Variants in CDH2 observed in about 807,000 individuals in gnomAD.
CDH2 encodes the protein cadherin 2, also known as cadherin-2.
In CDH2, 17 loss-of-function variants were observed where a neutral mutation model predicts 92.0. The ratio of observed to expected loss-of-function variants is 0.18; its 90% confidence interval spans 0.13 to 0.28. The LOEUF (loss-of-function observed/expected upper bound fraction) is 0.28, where lower values mean the gene tolerates loss of function less well. Ranked by LOEUF, CDH2 falls within the 10% of genes least tolerant of loss-of-function variation. The pLI, the probability that CDH2 is intolerant of heterozygous loss-of-function variation, is 1.00. For synonymous variants in CDH2, 419 were observed against 415.9 expected (o/e 1.01, Z -0.09); for missense variants, 862 against 1,133.1 (o/e 0.76, Z 3.44).
At chr18:28,015,241 G>T (rs2013211524) in intron 2 of CDH2, among the ~76,000 whole-genome samples, 1 of 152,106 alleles carries the variant, frequency 6.6e-6, no homozygotes, top group Non-Finnish European at 1.5e-5. Context: ...ATCCTTGATA[G>T]AAGTCATAAA....
intron 2 of CDH2, among the ~76,000 whole-genome samples, chr18:28,027,852 T>G (rs1280710584): frequency 2.0e-5 from 3 of 151,776 alleles, no homozygotes; most frequent in Non-Finnish European, 4.4e-5. Flanking sequence ...TTTTGTTTTT[T>G]TTTTTTGCAG....
intron 15 of CDH2, among the ~76,000 whole-genome samples, chr18:27,955,839 G>A (rs180964540): frequency 8.7e-4 from 126 of 144,634 alleles, no homozygotes; most frequent in African/African-American, 2.8e-3. Flanking sequence ...GCTAGAGCAC[G>A]GCACATTGCC....
At chr18:28,022,536 G>A (rs17468268) in intron 2 of CDH2, among the ~76,000 whole-genome samples, 6,538 of 152,090 alleles carry the variant, frequency 0.043, 163 homozygotes, top group South Asian at 0.07. Flanking sequence ...GTTAGTGGGA[G>A]TAAAGGGCAG....
intron 1 of CDH2, among the ~76,000 whole-genome samples, chr18:28,161,373 G>A (rs2144353947): frequency 6.6e-6 from 1 of 152,204 alleles, no homozygotes; most frequent in East Asian, 1.9e-4. Context: ...AAGGTCAGGA[G>A]TTCGAGACCA....
intron 2 of CDH2, among the ~76,000 whole-genome samples, chr18:28,135,939 T>C (rs1038974008): frequency 6.6e-6 from 1 of 152,248 alleles, no homozygotes; most frequent in African/African-American, 2.4e-5. Context: ...AGCTGGGCAC[T>C]GGCATTTTCC....
chr18:28,054,049 G>A (rs1281802673), intron 2 of CDH2, among the ~76,000 whole-genome samples: 1 of 152,146 alleles, frequency 6.6e-6, no homozygotes, highest in Non-Finnish European at 1.5e-5. Flanking sequence ...TGCTGTGAGA[G>A]AGCACACAAA....
chr18:28,100,173 G>A (rs893856330), intron 2 of CDH2, among the ~76,000 whole-genome samples: 9 of 152,138 alleles, frequency 5.9e-5, no homozygotes, highest in African/African-American at 2.2e-4. Context: ...AGGTGTTTCT[G>A]TGAGTGTGTT....
intron 2 of CDH2, among the ~76,000 whole-genome samples, chr18:28,082,974 T>C (rs1215790993): frequency 6.6e-6 from 1 of 152,156 alleles, no homozygotes; most frequent in East Asian, 1.9e-4. Flanking sequence ...AGTTTAAAAA[T>C]ACCTTTTGAT....
chr18:28,106,394 G>A (rs1192715485), intron 2 of CDH2, among the ~76,000 whole-genome samples: 1 of 151,728 alleles, frequency 6.6e-6, no homozygotes, highest in Admixed American at 6.6e-5. Context: ...TCCAGTCTGG[G>A]TGCCAGAGTG....
rs375704664 is a variant in CDH2, at chr18:28,071,488, A to G, written c.173-57579T>C. On this transcript the variant is annotated intron_variant, in intron 2 of 15. Transcript: ENST00000269141. ...CTGTCACACCATCATCAGAGCACTG[A>G]GGACAGAAGGCTGATTTTTGCCTTC... is the stretch of plus-strand genomic sequence containing the variant. 5.9e-5 allele frequency among the ~76,000 whole-genome samples: 9 copies of G among 152,280 alleles called. No homozygotes were observed. In the East Asian group the frequency reaches 7.7e-4, roughly 13 times the overall value.
intron 2 of CDH2, chr18:28,045,431 T>G (rs2014054881): frequency 2.1e-6 from 1 of 468,740 alleles, no homozygotes; most frequent in Admixed American, 2.4e-5. Context: ...GTTACACATG[T>G]CCTTCAACAA....
At chr18:28,137,406 C>T (rs2015880547) in intron 2 of CDH2, among the ~76,000 whole-genome samples, 1 of 152,032 alleles carries the variant, frequency 6.6e-6, no homozygotes, top group Non-Finnish European at 1.5e-5. Context: ...AGACCTTAAT[C>T]CACATTGAAG....
At chr18:27,934,596 ACAT>A (rs1287726958) in intron 6 of CDH2, among the ~76,000 whole-genome samples, 2 of 152,222 alleles carry the variant, frequency 1.3e-5, no homozygotes, top group Non-Finnish European at 2.9e-5. Flanking sequence ...ATTAGATAAA[ACAT>A]CATCTCTGTA....
intron 2 of CDH2, among the ~76,000 whole-genome samples, chr18:28,043,890 A>AGTTTTT (rs2014013411): frequency 2.3e-4 from 21 of 91,468 alleles, no homozygotes; most frequent in African/African-American, 7.0e-4. Flanking sequence ...AGAATCTCGG[A>AGTTTTT]TTTTTTTTTT....
At chr18:28,135,494 TA>T (rs1428670708) in intron 2 of CDH2, among the ~76,000 whole-genome samples, 1 of 152,258 alleles carries the variant, frequency 6.6e-6, no homozygotes, top group Non-Finnish European at 1.5e-5. Flanking sequence ...CACTCTCTAC[TA>T]ATCTGTTAAT....
intron 2 of CDH2, among the ~76,000 whole-genome samples, chr18:28,062,417 TAG>T (rs2014421587): frequency 6.6e-6 from 1 of 152,178 alleles, no homozygotes; most frequent in Non-Finnish European, 1.5e-5. Flanking sequence ...GAGTCAATAA[TAG>T]AGTTTTGCCT....
chr18:27,998,358 T>C (rs1213176052), intron 7 of CDH2, among the ~76,000 whole-genome samples: 1 of 152,156 alleles, frequency 6.6e-6, no homozygotes, highest in Non-Finnish European at 1.5e-5. Context: ...AGGTGGGGTT[T>C]TGAAACCCCA....
chr18:28,098,657 G>C (rs947941845), intron 2 of CDH2, among the ~76,000 whole-genome samples: 1 of 151,712 alleles, frequency 6.6e-6, no homozygotes, highest in African/African-American at 2.4e-5. Flanking sequence ...CTACACATGG[G>C]GGCCATTTTA....
chr18:27,982,117 C>A (rs955254028), intron 14 of CDH2, among the ~76,000 whole-genome samples: 3 of 152,272 alleles, frequency 2.0e-5, no homozygotes, highest in Admixed American at 6.5e-5. Context: ...GAGATGTTCA[C>A]AGTACTAGTA....
Sources: gnomAD v4.1 joint callset for allele counts (sites outside exome capture counted in the v4.1 genomes callset) on GRCh38, gnomAD v4.1.1 for gene constraint, MANE v1.5 for transcripts, NCBI Gene and HGNC (gene_info 2026-07-23, HGNC 2026-07-21) for gene names.